IL12RB1: variants seen among roughly 807,000 people sequenced by gnomAD.
IL12RB1 encodes the protein interleukin 12 receptor subunit beta 1.
IL12RB1 carries 64 observed loss-of-function variants against 94.4 expected under a neutral mutation model. That is an observed-to-expected ratio of 0.68 (90% confidence interval 0.55 to 0.83). IL12RB1 has a LOEUF of 0.83. Among genes scored for constraint, IL12RB1 ranks in the 40% least tolerant of loss-of-function variants. IL12RB1 has a pLI of 0.00. For synonymous variants in IL12RB1, 362 were observed against 355.5 expected (o/e 1.02, Z -0.21); for missense variants, 814 against 855.6 (o/e 0.95, Z 0.61).
chr19:18,063,797 C>G, intron 13 of IL12RB1, 79 bp downstream of exon 13: 1 of 1,335,118 alleles, frequency 7.5e-7, no homozygotes, highest in Non-Finnish European at 1.0e-6. Context: ...AGAGTGAGGG[C>G]AGGGCTGCTA....
chr19:18,093,952 C>G (rs1302042174), intron 1 of IL12RB1, among the ~76,000 whole-genome samples: 1 of 152,100 alleles, frequency 6.6e-6, no homozygotes, highest in Non-Finnish European at 1.5e-5. Flanking sequence ...CCCTGATGCC[C>G]CTGAGGGGTC....
intron 11 of IL12RB1, among the ~76,000 whole-genome samples, chr19:18,067,380 C>T (rs1156705130): frequency 6.6e-6 from 1 of 150,768 alleles, no homozygotes; most frequent in Non-Finnish European, 1.5e-5. Context: ...TCCTGAATGC[C>T]CAGCCTCCCA....
chr19:18,067,888 G>T (rs1446546510), intron 11 of IL12RB1, among the ~76,000 whole-genome samples: 2 of 151,982 alleles, frequency 1.3e-5, no homozygotes, highest in African/African-American at 2.4e-5. Context: ...TAGAGACGGG[G>T]TCTTGCTATG....
intron 5 of IL12RB1, among the ~76,000 whole-genome samples, chr19:18,077,103 C>T (rs1478506452): frequency 6.6e-6 from 1 of 152,082 alleles, no homozygotes; most frequent in Non-Finnish European, 1.5e-5. Context: ...TGGTTCATGC[C>T]TGTATTCCCA....
intron 15 of IL12RB1, among the ~76,000 whole-genome samples, chr19:18,060,857 C>A (rs1378794021): frequency 6.6e-6 from 1 of 152,164 alleles, no homozygotes. Context: ...AGACCCCAAT[C>A]GCTGGATTCA....
At position 18,059,455 on chromosome 19, in the gene IL12RB1, T is replaced by TCC; in HGVS notation, c.*151_*152dup. On this transcript the variant is annotated 3_prime_UTR_variant, in exon 17 of 17. Transcript: ENST00000593993. The stretch of plus-strand genomic sequence containing the variant: ...TCCATTTCATGGCAGCATCTAGGGT[T>TCC]CCCCCGCAGGATGGGTGGCAACAGG... 1 of 693,248 alleles carries TCC rather than the reference T, an allele frequency of 1.4e-6. No individual in the cohort carries two copies. The highest frequency in any genetic ancestry group is 2.7e-6 in the Non-Finnish European group (1 of 373,310). The allele number at this position is 693,248 out of a possible 1,614,324, so 42.9% of individuals were successfully genotyped here. A position where few individuals can be genotyped will look rare whatever the true frequency, so the allele number is the denominator to read the frequency against.
chr19:18,069,418 G>T, intron 10 of IL12RB1, 128 bp downstream of exon 10: 1 of 904,618 alleles, frequency 1.1e-6, no homozygotes, highest in Non-Finnish European at 1.6e-6. Flanking sequence ...GTATGACATT[G>T]AGTAAGCAGC....
intron 15 of IL12RB1, 48 bp downstream of exon 15, chr19:18,061,074 G>T: frequency 1.0e-6 from 1 of 959,990 alleles, no homozygotes; most frequent in Non-Finnish European, 1.7e-6. Context: ...CCCTTGTCCA[G>T]CATGTGCACC....
At chr19:18,071,304 G>A (rs900419137) in intron 9 of IL12RB1, 17 of 607,150 alleles carry the variant, frequency 2.8e-5, no homozygotes, top group African/African-American at 1.3e-4. Context: ...TCTGGAAGGC[G>A]GAGGTTGCAG....
intron 14 of IL12RB1, 37 bp from the exon 15 acceptor site, chr19:18,061,234 T>TG: frequency 8.2e-6 from 4 of 486,512 alleles, no homozygotes; most frequent in Non-Finnish European, 1.1e-5. Context: ...GGAGCTGAGG[T>TG]TTTTTTTTTT....
In IL12RB1 at chr19:18,069,710, G is replaced by C. The variant is rs2034875969; in HGVS notation, c.1025C>G (p.Pro342Arg). The C allele has an allele frequency of 1.2e-6, 2 of 1,609,164 alleles. No individual in the cohort carries two copies. Among genetic ancestry groups the C allele is most frequent in the Non-Finnish European group, 1.7e-6 (2 of 1,176,338 alleles). Reference sequence around the variant, plus strand: ...TCCGACGCTGATATTCAGAGCCACTGGTTCTGGAAGGAGAGGGGAGAGACG... The same window carrying C: ...TCCGACGCTGATATTCAGAGCCACTCGTTCTGGAAGGAGAGGGGAGAGACG... ...WHIPADTHTE[P>R]VALNISVGTN... is the part of the protein sequence containing the mutation. The change falls in exon 10 of 17, where the codon CCA (proline) becomes CGA (arginine). Residue 342 changes from proline to arginine, a missense_variant. Physicochemically the swap from Pro to Arg is moderately radical, Grantham distance 103. Transcript: ENST00000593993.
chr19:18,060,059 G>A lies in IL12RB1; in HGVS notation c.1818C>T (p.Asp606=), dbSNP rs886054300. ...CCTGCAGGGATGCCTCTTCCTGGAA[G>A]TCCACTGGGTTGATCCACTGCCAAG... is the stretch of plus-strand genomic sequence containing the variant. ...KETWQWINPV[D]FQEEASLQEA... Residue 606 remains aspartate (D), a synonymous_variant, in exon 16 of 17, where the codon GAC becomes GAT. Coordinates refer to ENST00000593993, the MANE Select transcript of IL12RB1 (RefSeq NM_005535.3). The A allele has an allele frequency of 1.7e-5, 28 of 1,604,492 alleles. No individual in the cohort carries two copies. The highest frequency in any genetic ancestry group is 2.4e-5 in the Non-Finnish European group (28 of 1,172,674).
Position 18,080,872 on chromosome 19 carries a change from T to G in IL12RB1, c.369A>C (p.Thr123=). ...GCAGGGTCACCTCAGGAGACTTCTC[T>G]GTCTGGTTCCTGGCCCAGGATTCCA... The part of the protein sequence containing the change: ...LWVESWARNQ[T]EKSPEVTLQL... The change falls in exon 4 of 17, where the codon ACA becomes ACC. Residue 123 remains threonine, a synonymous_variant. Coordinates refer to ENST00000593993, the MANE Select transcript of IL12RB1 (RefSeq NM_005535.3). The G allele has an allele frequency of 6.2e-7, 1 of 1,612,312 alleles. No homozygotes were observed. The highest frequency in any genetic ancestry group is 8.5e-7 in the Non-Finnish European group (1 of 1,178,356).
intron 7 of IL12RB1, among the ~76,000 whole-genome samples, chr19:18,074,109 C>A (rs1298616074): frequency 6.6e-6 from 1 of 152,202 alleles, no homozygotes; most frequent in Non-Finnish European, 1.5e-5. Context: ...AGGCGTGAGC[C>A]ACTGCGCCTG....
intron 11 of IL12RB1, among the ~76,000 whole-genome samples, chr19:18,068,005 A>G (rs1465328060): frequency 6.8e-6 from 1 of 147,234 alleles, no homozygotes; most frequent in African/African-American, 2.5e-5. Flanking sequence ...TGTCTGCCTT[A>G]ACAGCATTGT....
At position 18,066,899 on chromosome 19, in the gene IL12RB1, C is replaced by T. The variant is rs2034624887; in HGVS notation, c.1328-202G>A. ...AAAATTAGCCAGGCATGGTGGCGGA[C>T]ACCTGTAATCCCAGCTACTCAGGAG... On this transcript the variant is annotated intron_variant, in intron 11 of 16. Coordinates refer to ENST00000593993, the MANE Select transcript of IL12RB1 (RefSeq NM_005535.3). Among the ~76,000 whole-genome samples, 4 of 151,924 alleles carry T rather than the reference C, an allele frequency of 2.6e-5. No homozygotes were observed. The South Asian group carries it at 8.3e-4, about 32-fold the overall frequency.
chr19:18,081,921 A>G (rs1310906710), intron 3 of IL12RB1, among the ~76,000 whole-genome samples: 7 of 152,016 alleles, frequency 4.6e-5, no homozygotes, highest in Non-Finnish European at 1.0e-4. Flanking sequence ...GGTGAAGAAG[A>G]AAAAAGGACT....
intron 12 of IL12RB1, among the ~76,000 whole-genome samples, 195 bp from the exon 13 acceptor site, chr19:18,064,205 T>C (rs1178964779): frequency 1.4e-5 from 2 of 140,926 alleles, no homozygotes; most frequent in East Asian, 2.2e-4. Context: ...AGTGGCGCCA[T>C]CTCGGCTCAC....
chr19:18,086,283 G>A (rs3929396), intron 1 of IL12RB1, among the ~76,000 whole-genome samples: 57,756 of 151,398 alleles, frequency 0.38, 11,560 homozygotes, highest in East Asian at 0.58. Flanking sequence ...TAAAGTATAC[G>A]GAAGGATGTG....
Sources: gnomAD v4.1 joint callset for allele counts (sites outside exome capture counted in the v4.1 genomes callset) on GRCh38, gnomAD v4.1.1 for gene constraint, MANE v1.5 for transcripts, NCBI Gene and HGNC (gene_info 2026-07-23, HGNC 2026-07-21) for gene names.